Variants in DPYD observed in about 807,000 individuals in gnomAD.
The protein encoded by DPYD is dihydropyrimidine dehydrogenase [NADP(+)].
In DPYD, 109 loss-of-function variants were observed where a neutral mutation model predicts 116.2. That is an observed-to-expected ratio of 0.94 (90% CI 0.80 to 1.10). DPYD has a LOEUF of 1.10. DPYD is among the 50% of genes least tolerant of loss of function. The probability of loss-of-function intolerance (pLI) is 0.00; values close to 1 mark genes in which losing one functional copy is unlikely to be tolerated. For missense variants in DPYD, 1,302 were observed against 1,254.5 expected, an observed-to-expected ratio of 1.04 and a Z score of -0.57; for synonymous variants, 440 against 432.0, an observed-to-expected ratio of 1.02 and a Z score of -0.23.
intron 20 of DPYD, among the ~76,000 whole-genome samples, chr1:97,161,979 C>T (rs2101746473): frequency 6.6e-6 from 1 of 151,942 alleles, no homozygotes; most frequent in East Asian, 1.9e-4. Flanking sequence ...CATTGTTGGA[C>T]ATTTGGGTTG....
chr1:97,303,203 A>G (rs894439878), intron 18 of DPYD, among the ~76,000 whole-genome samples: 7 of 152,044 alleles, frequency 4.6e-5, no homozygotes, highest in African/African-American at 1.7e-4. Flanking sequence ...TTCACTGGCA[A>G]TGAAAAGTAT....
intron 20 of DPYD, among the ~76,000 whole-genome samples, chr1:97,150,898 T>G (rs995040810): frequency 1.6e-4 from 25 of 152,290 alleles, no homozygotes; most frequent in African/African-American, 6.0e-4. Context: ...TAATGACAAA[T>G]GTTTTTCATT....
intron 2 of DPYD, among the ~76,000 whole-genome samples, chr1:97,851,559 A>G (rs1401635017): frequency 6.6e-6 from 1 of 151,988 alleles, no homozygotes; most frequent in Non-Finnish European, 1.5e-5. Context: ...TCCCCTATGT[A>G]GTCTTTTCAA....
At chr1:97,754,594 C>T (rs1164249886) in intron 3 of DPYD, among the ~76,000 whole-genome samples, 1 of 152,118 alleles carries the variant, frequency 6.6e-6, no homozygotes, top group East Asian at 1.9e-4. Context: ...TTCCTTCATT[C>T]TTTGTTTTCT....
chr1:97,130,027 T>G (rs1221400925), intron 20 of DPYD, among the ~76,000 whole-genome samples: 5 of 152,216 alleles, frequency 3.3e-5, no homozygotes. Flanking sequence ...AGGCACTCAC[T>G]GCCTTTAAAT....
chr1:97,248,754 GT>G (rs2100801302), intron 18 of DPYD, among the ~76,000 whole-genome samples: 1 of 152,172 alleles, frequency 6.6e-6, no homozygotes, highest in South Asian at 2.1e-4. Flanking sequence ...CAGACTTTAT[GT>G]TAAAAAATTC....
At chr1:97,765,253 C>T (rs375373536) in intron 3 of DPYD, among the ~76,000 whole-genome samples, 1 of 152,250 alleles carries the variant, frequency 6.6e-6, no homozygotes, top group African/African-American at 2.4e-5. Context: ...GAAGGAAATG[C>T]TTTTCTATTT....
chr1:97,507,726 CGTT>C (rs1359280137), intron 13 of DPYD, among the ~76,000 whole-genome samples: 1 of 151,932 alleles, frequency 6.6e-6, no homozygotes, highest in Non-Finnish European at 1.5e-5. Context: ...GTTCTCATCT[CGTT>C]GATAGGTGCT....
intron 3 of DPYD, among the ~76,000 whole-genome samples, chr1:97,741,039 T>C (rs1323175161): frequency 6.6e-6 from 1 of 152,100 alleles, no homozygotes; most frequent in Non-Finnish European, 1.5e-5. Context: ...CCTCAAAGCA[T>C]AGCCCAGATC....
At chr1:97,724,329 T>G (rs900289634) in intron 4 of DPYD, among the ~76,000 whole-genome samples, 1 of 131,590 alleles carries the variant, frequency 7.6e-6, no homozygotes, top group Non-Finnish European at 1.7e-5. Flanking sequence ...TGTGTGTGTG[T>G]GTGTGTGTGT....
At chr1:97,601,742 T>C (rs1655260968) in intron 8 of DPYD, among the ~76,000 whole-genome samples, 1 of 152,032 alleles carries the variant, frequency 6.6e-6, no homozygotes, top group Admixed American at 6.5e-5. Flanking sequence ...GATGGCCTAT[T>C]GTGGTTCTTT....
chr1:97,313,442 T>A (rs1667631417), intron 16 of DPYD, among the ~76,000 whole-genome samples: 1 of 151,702 alleles, frequency 6.6e-6, no homozygotes, highest in African/African-American at 2.4e-5. Flanking sequence ...AACAAACACA[T>A]AATGTGATTA....
rs1017990999 is a variant in DPYD, at chr1:97,568,531, T to C, written c.1339+5229A>G. On this transcript the variant is annotated intron_variant, in intron 11 of 22. Coordinates refer to ENST00000370192, the MANE Select transcript of DPYD (RefSeq NM_000110.4). ...TGAAGTTAGAAGGAGGACAGCCAGG[T>C]TTCCAGCTGGGGCAGCCTGGCTCCA... Among the ~76,000 whole-genome samples, 7 of 152,142 alleles carry C rather than the reference T, an allele frequency of 4.6e-5. No individual in the cohort carries two copies. In the East Asian group the frequency reaches 1.4e-3, roughly 29 times the overall value.
chr1:97,766,296 A>G, intron 3 of DPYD, among the ~76,000 whole-genome samples: 1 of 152,048 alleles, frequency 6.6e-6, no homozygotes, highest in Non-Finnish European at 1.5e-5. Flanking sequence ...AAGATAATAT[A>G]CCTAATGGAT....
intron 20 of DPYD, among the ~76,000 whole-genome samples, chr1:97,168,036 A>G (rs1656449625): frequency 6.6e-6 from 1 of 152,204 alleles, no homozygotes; most frequent in Admixed American, 6.5e-5. Flanking sequence ...ACAGATTTCT[A>G]TAGTGGATGA....
intron 11 of DPYD, among the ~76,000 whole-genome samples, chr1:97,568,925 A>G (rs1205755279): frequency 7.1e-6 from 1 of 140,906 alleles, no homozygotes; most frequent in Non-Finnish European, 1.6e-5. Flanking sequence ...AATAAAATAG[A>G]TTCCGGAAGA....
chr1:97,166,847 T>C (rs191664235), intron 20 of DPYD, among the ~76,000 whole-genome samples: 10 of 152,292 alleles, frequency 6.6e-5, no homozygotes, highest in African/African-American at 2.4e-4. Context: ...CAGATGGCCC[T>C]ATACTTATAT....
intron 2 of DPYD, among the ~76,000 whole-genome samples, chr1:97,862,585 C>T (rs1671172894): frequency 6.6e-6 from 1 of 151,268 alleles, no homozygotes; most frequent in Non-Finnish European, 1.5e-5. Flanking sequence ...TTGTTTATTT[C>T]TTTATTGTTC....
intron 1 of DPYD, among the ~76,000 whole-genome samples, chr1:97,913,110 C>A (rs1674044957): frequency 6.6e-6 from 1 of 152,056 alleles, no homozygotes; most frequent in Admixed American, 6.6e-5. Context: ...TTCCAGATCA[C>A]CCTTACACAG....
Sources: gnomAD v4.1 joint callset for allele counts (sites outside exome capture counted in the v4.1 genomes callset) on GRCh38, gnomAD v4.1.1 for gene constraint, MANE v1.5 for transcripts, NCBI Gene and HGNC (gene_info 2026-07-23, HGNC 2026-07-21) for gene names.